ARMH3: variants seen among roughly 807,000 people sequenced by gnomAD.
ARMH3 encodes the protein armadillo-like helical domain-containing protein 3.
A neutral mutation model predicts 99.1 loss-of-function variants in ARMH3; 60 were observed. That is an observed-to-expected ratio of 0.61 (90% confidence interval 0.49 to 0.75). ARMH3 has a LOEUF of 0.75. Ranked by LOEUF, ARMH3 falls within the 30% of genes least tolerant of loss-of-function variation. ARMH3 has a pLI of 0.00. For synonymous variants in ARMH3, 285 were observed against 292.8 expected (o/e 0.97, Z 0.27); for missense variants, 679 against 843.1 (o/e 0.81, Z 2.41).
rs560449133 is a variant in ARMH3, at chr10:101,993,253, A to G, written c.1275+285T>C. Among the ~76,000 whole-genome samples the G allele has an allele frequency of 1.6e-4, 23 of 146,518 alleles. No individual in the cohort carries two copies. The East Asian group carries it at 2.2e-3, about 14-fold the overall frequency. On this transcript the variant is annotated intron_variant, in intron 17 of 25. Transcript: ENST00000370033. ...ACCATTGCACTCCAGCCTGGGGGGGAGAGAGAGAGAGAGAGACTCTCCCTC... is the reference window on the plus strand; with the variant it reads ...ACCATTGCACTCCAGCCTGGGGGGGGGAGAGAGAGAGAGAGACTCTCCCTC...
chr10:101,995,034 T>A (rs180844499), intron 16 of ARMH3, among the ~76,000 whole-genome samples: 2 of 152,254 alleles, frequency 1.3e-5, no homozygotes, highest in East Asian at 3.9e-4. Context: ...ATACTCCGTC[T>A]CAAAACAAAC....
chr10:101,894,180 A>T (rs900787849), intron 23 of ARMH3, among the ~76,000 whole-genome samples: 1 of 152,192 alleles, frequency 6.6e-6, no homozygotes, highest in Non-Finnish European at 1.5e-5. Context: ...TGGGACTGTT[A>T]TCTGCAAAAT....
chr10:101,958,429 T>C (rs1845140681), intron 20 of ARMH3, among the ~76,000 whole-genome samples: 1 of 152,234 alleles, frequency 6.6e-6, no homozygotes, highest in African/African-American at 2.4e-5. Context: ...GTCCCTAGTT[T>C]AGCAGTGCAG....
chr10:101,879,855 T>A (rs1274930746), intron 24 of ARMH3, among the ~76,000 whole-genome samples: 1 of 152,176 alleles, frequency 6.6e-6, no homozygotes, highest in Non-Finnish European at 1.5e-5. Flanking sequence ...CAGCTGACCC[T>A]CGCATGTGGG....
chr10:102,032,925 C>T, intron 4 of ARMH3, 101 bp downstream of exon 4: 1 of 1,326,032 alleles, frequency 7.5e-7, no homozygotes, highest in Admixed American at 2.4e-5. Context: ...AAAAAGAAAA[C>T]CTCATACCTC....
intron 19 of ARMH3, 36 bp from the exon 20 acceptor site, chr10:101,975,336 G>A (rs1845947459): frequency 2.0e-6 from 3 of 1,534,552 alleles, no homozygotes; most frequent in Non-Finnish European, 2.7e-6. Context: ...GGGTAAGCCT[G>A]AGAATATAGT....
intron 25 of ARMH3, among the ~76,000 whole-genome samples, chr10:101,848,471 T>C (rs895767623): frequency 6.6e-6 from 1 of 151,942 alleles, no homozygotes; most frequent in African/African-American, 2.4e-5. Flanking sequence ...GCTGTGTAGA[T>C]TGCCTGAGAA....
intron 23 of ARMH3, among the ~76,000 whole-genome samples, chr10:101,905,742 T>A (rs1423408975): frequency 6.6e-6 from 1 of 152,172 alleles, no homozygotes; most frequent in Admixed American, 6.5e-5. Context: ...TCCCTATCAA[T>A]GATGAAGAAT....
intron 5 of ARMH3, among the ~76,000 whole-genome samples, chr10:102,026,874 G>C (rs1444480899): frequency 6.6e-6 from 1 of 152,226 alleles, no homozygotes; most frequent in Non-Finnish European, 1.5e-5. Context: ...TAAGCATGGA[G>C]ACTAATGAGG....
rs56712768 is a variant in ARMH3, at chr10:101,973,359, CAAA to C, written c.1495+1850_1495+1852del. ...TGGGCGACAGAGCGAGACTCCGTCT[CAAA>C]AAAAAAAAAAAAAAAAGAAAAAAGA... On this transcript the variant is annotated intron_variant, in intron 20 of 25. Coordinates refer to ENST00000370033, the MANE Select transcript of ARMH3 (RefSeq NM_024541.3). Among the ~76,000 whole-genome samples the C allele has an allele frequency of 1.0e-4, 8 of 80,148 alleles. 1 individual carries two copies. Among genetic ancestry groups the C allele is most frequent in the African/African-American group, 1.9e-4 (4 of 21,078 alleles). 52.6% of individuals were successfully genotyped at this position (80,148 alleles called of 152,430 possible). A position where few individuals can be genotyped will look rare whatever the true frequency, so the allele number is the denominator to read the frequency against.
At chr10:101,900,373 G>A (rs1181768214) in intron 23 of ARMH3, among the ~76,000 whole-genome samples, 3 of 152,172 alleles carry the variant, frequency 2.0e-5, no homozygotes, top group Admixed American at 6.5e-5. Context: ...AAGAAAATGT[G>A]TATTAGATGT....
chr10:102,037,562 A>T (rs1373069110), intron 2 of ARMH3, among the ~76,000 whole-genome samples: 5 of 151,222 alleles, frequency 3.3e-5, no homozygotes, highest in Admixed American at 2.6e-4. Context: ...TTTTAAATTA[A>T]TTATTTATTT....
chr10:102,029,558 G>A (rs779997939), intron 5 of ARMH3, 80 bp downstream of exon 5: 11 of 1,613,646 alleles, frequency 6.8e-6, no homozygotes, highest in African/African-American at 2.7e-5. Flanking sequence ...AAATCTTTGA[G>A]TACATTTGTC....
intron 19 of ARMH3, among the ~76,000 whole-genome samples, chr10:101,984,703 G>C (rs1193927134): frequency 6.6e-6 from 1 of 151,958 alleles, no homozygotes; most frequent in African/African-American, 2.4e-5. Flanking sequence ...CATTAGCCTT[G>C]TGGTTTCAAT....
At chr10:101,904,276 G>T (rs747921530) in intron 23 of ARMH3, among the ~76,000 whole-genome samples, 3 of 152,084 alleles carry the variant, frequency 2.0e-5, no homozygotes, top group Non-Finnish European at 4.4e-5. Flanking sequence ...ACACCTTACC[G>T]CCAAGAGCAG....
intron 22 of ARMH3, among the ~76,000 whole-genome samples, chr10:101,952,329 A>G (rs1844831183): frequency 6.6e-6 from 1 of 152,158 alleles, no homozygotes; most frequent in African/African-American, 2.4e-5. Context: ...AACACAAGAC[A>G]AACCCAAATT....
At chr10:102,038,606 T>G (rs2067334575) in intron 2 of ARMH3, among the ~76,000 whole-genome samples, 1 of 152,178 alleles carries the variant, frequency 6.6e-6, no homozygotes, top group Non-Finnish European at 1.5e-5. Flanking sequence ...AGCAGAGATC[T>G]CAAATTACTT....
At chr10:102,018,972 A>T (rs1160417225) in intron 8 of ARMH3, among the ~76,000 whole-genome samples, 1 of 152,108 alleles carries the variant, frequency 6.6e-6, no homozygotes, top group Non-Finnish European at 1.5e-5. Context: ...AAAAAGTATA[A>T]CACATACAAT....
chr10:102,053,346 T>C (rs1011991650), intron 1 of ARMH3, among the ~76,000 whole-genome samples: 1 of 152,108 alleles, frequency 6.6e-6, no homozygotes, highest in Non-Finnish European at 1.5e-5. Context: ...TAAAATAATT[T>C]TTTTTCCTCT....
Sources: allele counts gnomAD v4.1 joint callset (sites outside exome capture counted in the v4.1 genomes callset), GRCh38; gene constraint gnomAD v4.1.1; transcripts MANE v1.5; gene names NCBI Gene and HGNC (gene_info 2026-07-23, HGNC 2026-07-21).